Variants in CDH26 observed in about 807,000 individuals in gnomAD.
CDH26 encodes cadherin-like protein 26.
In CDH26, 83 loss-of-function variants were observed where a neutral mutation model predicts 90.3. The observed-to-expected ratio is 0.92, with a 90% CI of 0.77 to 1.10. The LOEUF is 1.10. Ranked by LOEUF, CDH26 falls within the 50% of genes least tolerant of loss-of-function variation. The pLI is 0.00. For synonymous variants in CDH26, 397 were observed against 396.3 expected, an observed-to-expected ratio of 1.00 and a Z score of -0.02; for missense variants, 1,013 against 1,037.6, an observed-to-expected ratio of 0.98 and a Z score of 0.33.
chr20:59,988,857 C>T, intron 8 of CDH26, 47 bp from the exon 9 acceptor site: 1 of 1,601,090 alleles, frequency 6.2e-7, no homozygotes, highest in Non-Finnish European at 8.5e-7. Flanking sequence ...CTTCCTCTGG[C>T]CAGAGGAGCA....
At chr20:60,034,420 C>A (rs1018560391), downstream of CDH26, among the ~76,000 whole-genome samples, 2 of 152,202 alleles carry the variant, frequency 1.3e-5, no homozygotes, top group Non-Finnish European at 2.9e-5. Flanking sequence ...GGGAACAAGC[C>A]AGGCCCAGAG....
intron 7 of CDH26, among the ~76,000 whole-genome samples, chr20:60,024,003 A>C (rs966907705): frequency 6.6e-6 from 1 of 151,834 alleles, no homozygotes; most frequent in African/African-American, 2.4e-5. Flanking sequence ...TCAGCAGAGC[A>C]TGGAGGCCCA....
chr20:60,025,000 C>T (rs1323755848), intron 7 of CDH26, among the ~76,000 whole-genome samples: 2 of 152,156 alleles, frequency 1.3e-5, no homozygotes, highest in Non-Finnish European at 2.9e-5. Flanking sequence ...GGCTGCCGAC[C>T]TGAAGGGGGA....
chr20:60,005,380 CTATATG>C (rs2061732870), intron 16 of CDH26, among the ~76,000 whole-genome samples: 1 of 147,988 alleles, frequency 6.8e-6, no homozygotes, highest in South Asian at 2.1e-4. Flanking sequence ...GTCTATATGT[CTATATG>C]TATATGTATA....
intron 10 of CDH26, among the ~76,000 whole-genome samples, chr20:59,993,390 A>G (rs781717464): frequency 1.3e-5 from 2 of 152,188 alleles, no homozygotes; most frequent in African/African-American, 2.4e-5. Context: ...CTTGTATCCA[A>G]TGTGAGATTT....
intron 13 of CDH26, 23 bp downstream of exon 13, chr20:59,996,784 G>C (rs2061603873): frequency 1.2e-6 from 2 of 1,614,016 alleles, no homozygotes; most frequent in Non-Finnish European, 1.7e-6. Context: ...CATGCTTTGT[G>C]TCTTATGGCA....
chr20:59,983,054 A>G lies in CDH26; in HGVS notation c.525A>G (p.Gln175=). 2 of 1,614,050 alleles carry G rather than the reference A, an allele frequency of 1.2e-6. No individual in the cohort carries two copies. Among genetic ancestry groups the G allele is most frequent in the South Asian group, 1.1e-5 (1 of 91,058 alleles). The change falls in exon 5 of 18, where the codon CAA becomes CAG. Residue 175 remains glutamine, a synonymous_variant. Transcript: ENST00000348616. Reference sequence around the variant, plus strand: ...AGAAGGAATTTAACATCACTGTGCAAGAAAACCAATCTGCAGGTGTGTGCG... The same window carrying G: ...AGAAGGAATTTAACATCACTGTGCAGGAAAACCAATCTGCAGGTGTGTGCG... ...FPEKEFNITV[Q]ENQSAGQPIF...
chr20:59,979,601 CTTTTTTTTTTTT>C (rs559969476), intron 4 of CDH26, among the ~76,000 whole-genome samples: 31 of 47,462 alleles, frequency 6.5e-4, no homozygotes, highest in Non-Finnish European at 6.9e-4. Flanking sequence ...CTGCTATGCA[CTTTTTTTTTTTT>C]TTTTTTTTTT....
downstream of CDH26, among the ~76,000 whole-genome samples, chr20:60,014,707 G>A (rs1024698936): frequency 1.3e-5 from 2 of 152,112 alleles, no homozygotes; most frequent in Admixed American, 1.3e-4. Context: ...TCTGCCTTTG[G>A]ACAGCTAGGT....
rs2061566020 is a variant in CDH26 at position 59,994,397 on chromosome 20, C to T, written c.1574C>T (p.Pro525Leu). ...CCCCTCCACATCGAGGCAGAGGATC[C>T]GGACCTGGAGCCGTTCTCTGACCCA... The part of the protein sequence containing the change: ...HEPLHIEAED[P>L]DLEPFSDPFT... The change falls in exon 11 of 18, where the codon CCG becomes CTG. Residue 525 changes from proline to leucine, a missense_variant. Pro to Leu is a moderately conservative substitution (Grantham distance 98). Coordinates refer to ENST00000348616, the MANE Select transcript of CDH26 (RefSeq NM_177980.4). The T allele has an allele frequency of 1.9e-6, 3 of 1,613,974 alleles. No homozygotes were observed. Among genetic ancestry groups the T allele is most frequent in the Admixed American group, 1.7e-5 (1 of 59,986 alleles).
At chr20:59,965,446 A>G (rs1471684216) in intron 1 of CDH26, among the ~76,000 whole-genome samples, 3 of 152,182 alleles carry the variant, frequency 2.0e-5, no homozygotes, top group Non-Finnish European at 4.4e-5. Context: ...ACCATAATAA[A>G]CCCATTCTAT....
At chr20:59,980,363 C>T (rs1231341252) in intron 4 of CDH26, among the ~76,000 whole-genome samples, 1 of 151,616 alleles carries the variant, frequency 6.6e-6, no homozygotes, top group African/African-American at 2.4e-5. Context: ...GGCGCAATCT[C>T]AGTTCACTGC....
chr20:59,976,878 G>C lies in CDH26; in HGVS notation c.393+4755G>C, dbSNP rs549113202. ...AACAGTACAGAGGGAAAGACATTTA[G>C]GCCCCTGAGGAAGGGGATGGAGAGA... On this transcript the variant is annotated intron_variant, in intron 4 of 17. Transcript: ENST00000348616. Among the ~76,000 whole-genome samples the C allele has an allele frequency of 9.9e-5, 15 of 152,234 alleles. No homozygotes were observed. The South Asian group carries it at 2.9e-3, about 29-fold the overall frequency.
intron 2 of CDH26, among the ~76,000 whole-genome samples, 178 bp from the exon 3 acceptor site, chr20:59,969,904 C>T (rs554472641): frequency 6.6e-6 from 1 of 152,346 alleles, no homozygotes; most frequent in East Asian, 1.9e-4. Context: ...AGAGATGACT[C>T]TACAGCTATT....
At position 59,983,033 on chromosome 20, in the gene CDH26, G is replaced by A. The variant is rs747197978; in HGVS notation, c.504G>A (p.Lys168=). Residue 168 remains lysine (K), a synonymous_variant, in exon 5 of 18, where the codon AAG becomes AAA. Coordinates refer to ENST00000348616, the MANE Select transcript of CDH26 (RefSeq NM_177980.4). The stretch of plus-strand genomic sequence containing the variant: ...ATCATGCACCCCAGTTTCCAGAGAA[G>A]GAATTTAACATCACTGTGCAAGAAA... ...VNDHAPQFPE[K]EFNITVQENQ... The A allele has an allele frequency of 2.0e-5, 32 of 1,614,084 alleles. 1 individual carries two copies. In the South Asian group the frequency reaches 3.5e-4, roughly 18 times the overall value.
At chr20:59,968,097 T>C (rs1337662370) in intron 1 of CDH26, among the ~76,000 whole-genome samples, 2 of 146,564 alleles carry the variant, frequency 1.4e-5, no homozygotes, top group Non-Finnish European at 3.0e-5. Context: ...CTTTCCTTCT[T>C]TCCTTCTTTC....
chr20:60,016,542 A>G (rs2061906875), downstream of CDH26, among the ~76,000 whole-genome samples: 1 of 152,120 alleles, frequency 6.6e-6, no homozygotes, highest in African/African-American at 2.4e-5. Context: ...TATATATGAG[A>G]TTATGTCATC....
At chr20:60,026,138 G>A (rs547212470) in intron 7 of CDH26, among the ~76,000 whole-genome samples, 1 of 152,264 alleles carries the variant, frequency 6.6e-6, no homozygotes, top group East Asian at 1.9e-4. Context: ...ACCCGCTCTG[G>A]GAAGTCTGTG....
intron 4 of CDH26, among the ~76,000 whole-genome samples, chr20:59,979,138 A>G (rs1351521818): frequency 1.3e-5 from 2 of 151,468 alleles, no homozygotes; most frequent in African/African-American, 4.9e-5. Context: ...TTTTCACCTC[A>G]CATAATGAAT....
Sources: allele counts gnomAD v4.1 joint callset (sites outside exome capture counted in the v4.1 genomes callset), GRCh38; gene constraint gnomAD v4.1.1; transcripts MANE v1.5; gene names NCBI Gene and HGNC (gene_info 2026-07-23, HGNC 2026-07-21).